The following GRXCR1 variants were observed in gnomAD, a reference collection of about 807,000 sequenced individuals.
GRXCR1 encodes glutaredoxin and cysteine rich domain containing 1.
Under a neutral mutation model 27.3 loss-of-function variants are expected in GRXCR1, and 27 were observed. That is an observed-to-expected ratio of 0.99 (90% CI 0.73 to 1.37). The LOEUF is 1.37. Ranked by LOEUF, GRXCR1 falls within the 40% of genes most tolerant of loss-of-function variation. GRXCR1 has a pLI of 0.00. For missense variants in GRXCR1, 379 were observed against 354.4 expected, an observed-to-expected ratio of 1.07 and a Z score of -0.56; for synonymous variants, 122 against 131.1, an observed-to-expected ratio of 0.93 and a Z score of 0.47.
At chr4:42,910,213 A>T (rs754574336) in intron 1 of GRXCR1, among the ~76,000 whole-genome samples, 8 of 152,018 alleles carry the variant, frequency 5.3e-5, no homozygotes, top group Non-Finnish European at 1.2e-4. Flanking sequence ...AGATCCAATC[A>T]CCTCCCATCA....
intron 1 of GRXCR1, among the ~76,000 whole-genome samples, chr4:42,906,574 T>C (rs1442557429): frequency 1.3e-5 from 2 of 152,172 alleles, no homozygotes; most frequent in Non-Finnish European, 2.9e-5. Context: ...GCTCTCTGCA[T>C]GCAGAGCAGG....
At chr4:43,014,666 T>C (rs1226106513) in intron 2 of GRXCR1, among the ~76,000 whole-genome samples, 1 of 152,160 alleles carries the variant, frequency 6.6e-6, no homozygotes, top group East Asian at 1.9e-4. Flanking sequence ...TATCTGGCCT[T>C]TTACTGTCAC....
At chr4:43,005,833 C>G (rs1427593064) in intron 2 of GRXCR1, among the ~76,000 whole-genome samples, 2 of 152,144 alleles carry the variant, frequency 1.3e-5, no homozygotes, top group Admixed American at 1.3e-4. Context: ...CTTCATGAAG[C>G]AAATGTTTAT....
At chr4:42,910,890 G>A (rs17450068) in intron 1 of GRXCR1, among the ~76,000 whole-genome samples, 7,907 of 152,142 alleles carry the variant, frequency 0.052, 293 homozygotes, top group Middle Eastern at 0.14. Context: ...TCTCTCGGTT[G>A]GTTTAATCTT....
At chr4:42,898,063 T>G (rs1372741537) in intron 1 of GRXCR1, among the ~76,000 whole-genome samples, 2 of 151,736 alleles carry the variant, frequency 1.3e-5, no homozygotes, top group Admixed American at 6.6e-5. Flanking sequence ...GCTTTCACAG[T>G]TTTCAAAAGT....
At chr4:43,025,161 A>G (rs1713214339) in intron 3 of GRXCR1, among the ~76,000 whole-genome samples, 1 of 152,172 alleles carries the variant, frequency 6.6e-6, no homozygotes, top group African/African-American at 2.4e-5. Context: ...AGTCTATTTC[A>G]CAATCATTCA....
chr4:42,995,525 A>G (rs1251729606), intron 2 of GRXCR1, among the ~76,000 whole-genome samples: 2 of 152,160 alleles, frequency 1.3e-5, no homozygotes, highest in African/African-American at 4.8e-5. Context: ...TGTACCAACC[A>G]CTAGGAGTCA....
chr4:42,903,473 G>A (rs1434868665), intron 1 of GRXCR1, among the ~76,000 whole-genome samples: 1 of 145,826 alleles, frequency 6.9e-6, no homozygotes, highest in African/African-American at 2.5e-5. Context: ...CACCACGCCA[G>A]GCTAATTTTT....
chr4:42,892,876 T>G lies in GRXCR1; in HGVS notation c.-391T>G, dbSNP rs1746264892. ...GTTTGGACAATGAATAGTAGAGACA[T>G]GTCCACTGCTCAGGTCCTTTTCAAT... On this transcript the variant is annotated 5_prime_UTR_variant, in exon 1 of 4. It removes an upstream start codon present in the reference 5' UTR. Coordinates refer to ENST00000399770, the MANE Select transcript of GRXCR1 (RefSeq NM_001080476.3). Among the ~76,000 whole-genome samples the G allele has an allele frequency of 6.6e-6, 1 of 152,182 alleles. No homozygotes were observed. The highest frequency in any genetic ancestry group is 1.5e-5 in the Non-Finnish European group (1 of 68,024).
intron 1 of GRXCR1, among the ~76,000 whole-genome samples, chr4:42,905,102 T>C (rs1489418171): frequency 6.6e-6 from 1 of 152,210 alleles, no homozygotes; most frequent in Non-Finnish European, 1.5e-5. Context: ...CACAAACCTG[T>C]TGTCTTGCGG....
rs1344780454 is a variant in GRXCR1 at position 43,030,295 on chromosome 4, G to A, written c.694-66G>A. 4 of 1,439,386 alleles carry A rather than the reference G, an allele frequency of 2.8e-6. No individual in the cohort carries two copies. The African/African-American group carries it at 5.6e-5, about 20-fold the overall frequency. 89.2% of individuals were successfully genotyped at this position (1,439,386 alleles called of 1,614,324 possible). ...CACTCACAGTTCAGAAAGACCGGGA[G>A]GCTGATTGAGTTGTTCATGCTAACA... is the stretch of plus-strand genomic sequence containing the variant. On this transcript the variant is annotated intron_variant, in intron 3 of 3. Coordinates refer to ENST00000399770, the MANE Select transcript of GRXCR1 (RefSeq NM_001080476.3).
intron 1 of GRXCR1, among the ~76,000 whole-genome samples, chr4:42,932,599 TATATATATATATATATATATAGAG>T (rs1250565334): frequency 6.9e-5 from 4 of 57,720 alleles, no homozygotes; most frequent in Admixed American, 2.2e-4. Flanking sequence ...TATATATATA[TATATATATATATATATATATAGAG>T]AGAGAGAGAG....
intron 2 of GRXCR1, among the ~76,000 whole-genome samples, chr4:42,974,847 A>G (rs1375263809): frequency 3.9e-5 from 6 of 152,162 alleles, no homozygotes; most frequent in African/African-American, 1.2e-4. Context: ...ACACCAGAGT[A>G]TAAGATATAT....
At chr4:42,959,355 T>A (rs1748079105) in intron 1 of GRXCR1, among the ~76,000 whole-genome samples, 1 of 151,762 alleles carries the variant, frequency 6.6e-6, no homozygotes, top group Non-Finnish European at 1.5e-5. Context: ...CTCGTTTATA[T>A]GTGGAATCTG....
At position 42,995,763 on chromosome 4, in the gene GRXCR1, C is replaced by T. The variant is rs144317373; in HGVS notation, c.628-24591C>T. On this transcript the variant is annotated intron_variant, in intron 2 of 3. Transcript: ENST00000399770. ...AAATTTTTATGTTTTTTACCTTCTA[C>T]CTCAAGAAACAGCATGTCACAAAAG... 1.8e-3 allele frequency among the ~76,000 whole-genome samples: 280 copies of T among 152,312 alleles called. 1 individual carries two copies. The highest frequency in any genetic ancestry group is 6.6e-3 in the African/African-American group (274 of 41,570).
rs188835684 is a variant in GRXCR1, at chr4:43,028,483, A to G, written c.694-1878A>G. On this transcript the variant is annotated intron_variant, in intron 3 of 3. Transcript: ENST00000399770. Reference sequence around the variant, plus strand: ...GGACTCAGGGTCCCTGCAGGTCCTTACTGTAGGACCTTGGCCAGCCCAGCA... The same window carrying G: ...GGACTCAGGGTCCCTGCAGGTCCTTGCTGTAGGACCTTGGCCAGCCCAGCA... Among the ~76,000 whole-genome samples, 90 of 152,290 alleles carry G rather than the reference A, an allele frequency of 5.9e-4. 1 individual carries two copies. Among genetic ancestry groups the G allele is most frequent in the African/African-American group, 2.1e-3 (89 of 41,572 alleles).
At chr4:42,948,423 G>A (rs1171896652) in intron 1 of GRXCR1, among the ~76,000 whole-genome samples, 1 of 152,072 alleles carries the variant, frequency 6.6e-6, no homozygotes. Flanking sequence ...ATTGTATCAA[G>A]GGTCTTGGAA....
At chr4:42,934,779 A>G (rs1427101268) in intron 1 of GRXCR1, among the ~76,000 whole-genome samples, 1 of 152,006 alleles carries the variant, frequency 6.6e-6, no homozygotes, top group African/African-American at 2.4e-5. Context: ...ATACAGATTC[A>G]TGTCTGAATA....
chr4:43,002,631 G>C, intron 2 of GRXCR1, among the ~76,000 whole-genome samples: 1 of 136,320 alleles, frequency 7.3e-6, no homozygotes, highest in South Asian at 2.4e-4. Flanking sequence ...TAGACACAGT[G>C]ACAGTCTGAT....
Sources: allele counts gnomAD v4.1 joint callset (sites outside exome capture counted in the v4.1 genomes callset), GRCh38; gene constraint gnomAD v4.1.1; transcripts MANE v1.5; gene names NCBI Gene and HGNC (gene_info 2026-07-23, HGNC 2026-07-21).